Variants in MAPKAP1 observed in about 807,000 individuals in gnomAD.
The protein encoded by MAPKAP1 is target of rapamycin complex 2 subunit MAPKAP1.
Under a neutral mutation model 65.7 loss-of-function variants are expected in MAPKAP1, and 20 were observed. The observed-to-expected ratio is 0.30, with a 90% CI of 0.21 to 0.44. MAPKAP1 has a LOEUF of 0.44. MAPKAP1 is among the 20% of genes least tolerant of loss of function. The pLI is 1.00. For missense variants in MAPKAP1, 423 were observed against 648.0 expected, an observed-to-expected ratio of 0.65 and a Z score of 3.77; for synonymous variants, 222 against 244.3, an observed-to-expected ratio of 0.91 and a Z score of 0.85.
chr9:125,439,085 G>A lies in MAPKAP1; in HGVS notation c.1444-73C>T, dbSNP rs1852387292. 3.8e-6 allele frequency: 6 copies of A among 1,572,996 alleles called. No homozygotes were observed. In the South Asian group the frequency reaches 5.8e-5, roughly 15 times the overall value. On this transcript the variant is annotated intron_variant, in intron 11 of 11. Coordinates refer to ENST00000265960, the MANE Select transcript of MAPKAP1 (RefSeq NM_001006617.3). This position sits in a 1 kb window ranked among gnomAD's most constrained non-coding sequence, Gnocchi z 4.0. The stretch of plus-strand genomic sequence containing the variant: ...CCCACCCAGGGCATCGGAGGGGGTG[G>A]CAGGGAAGGCCCTGACCTGGGCCGG...
intron 1 of MAPKAP1, among the ~76,000 whole-genome samples, chr9:125,685,915 T>TTA (rs1834960278): frequency 6.6e-6 from 1 of 152,198 alleles, no homozygotes; most frequent in African/African-American, 2.4e-5. Context: ...AATCTAAGAT[T>TTA]TATTTTCCTT....
chr9:125,542,817 T>C (rs1226385269), intron 7 of MAPKAP1: 4 of 620,102 alleles, frequency 6.5e-6, no homozygotes, highest in Non-Finnish European at 1.2e-5. Context: ...CCACAAATTA[T>C]TAATGAAGGA....
intron 8 of MAPKAP1, among the ~76,000 whole-genome samples, chr9:125,505,748 G>A (rs1829121282): frequency 6.6e-6 from 1 of 152,228 alleles, no homozygotes; most frequent in South Asian, 2.1e-4. Flanking sequence ...ACTACAGACA[G>A]TCTGCTGCCG....
intron 1 of MAPKAP1, among the ~76,000 whole-genome samples, chr9:125,687,737 T>C (rs988238052): frequency 6.6e-5 from 10 of 152,006 alleles, no homozygotes; most frequent in African/African-American, 1.7e-4. Flanking sequence ...GTGAGCATGA[T>C]TGAGCCACTG....
At chr9:125,529,749 G>A (rs1829881980) in intron 7 of MAPKAP1, among the ~76,000 whole-genome samples, 1 of 152,186 alleles carries the variant, frequency 6.6e-6, no homozygotes, top group Admixed American at 6.5e-5. Context: ...ACTGTGATTA[G>A]TAGCTAGGTA....
chr9:125,695,229 A>G (rs1339915816), intron 1 of MAPKAP1, among the ~76,000 whole-genome samples: 2 of 152,244 alleles, frequency 1.3e-5, no homozygotes, highest in African/African-American at 2.4e-5. Flanking sequence ...AAGCAAATAA[A>G]TAAGTACAAA....
At chr9:125,542,360 C>G (rs1830277851) in intron 7 of MAPKAP1, among the ~76,000 whole-genome samples, 1 of 152,168 alleles carries the variant, frequency 6.6e-6, no homozygotes, top group Non-Finnish European at 1.5e-5. Flanking sequence ...TTTAAGAAGT[C>G]TCTTTATTTA....
intron 10 of MAPKAP1, among the ~76,000 whole-genome samples, chr9:125,457,812 C>G (rs1038639011): frequency 6.6e-6 from 1 of 152,240 alleles, no homozygotes; most frequent in African/African-American, 2.4e-5. Context: ...TTATAGCTCC[C>G]CAGTAGTTGC....
At position 125,538,704 on chromosome 9, in the gene MAPKAP1, G is replaced by A. The variant is rs115140097; in HGVS notation, c.958+4355C>T. Among the ~76,000 whole-genome samples the A allele has an allele frequency of 3.3e-3, 507 of 152,106 alleles. 3 individuals carry two copies. Among genetic ancestry groups the A allele is most frequent in the African/African-American group, 0.011 (469 of 41,480 alleles). ...TCATTGTTTAAATGTCAATTTCTCC[G>A]AGAGGGGCTCCCCAAACACCCTATA... On this transcript the variant is annotated intron_variant, in intron 7 of 11. Transcript: ENST00000265960.
At chr9:125,630,241 T>C (rs1362719310) in intron 4 of MAPKAP1, among the ~76,000 whole-genome samples, 1 of 152,002 alleles carries the variant, frequency 6.6e-6, no homozygotes, top group Non-Finnish European at 1.5e-5. Flanking sequence ...TCCTCCTGCC[T>C]CAGCCTCCCA....
intron 1 of MAPKAP1, among the ~76,000 whole-genome samples, chr9:125,700,753 G>C (rs925238658): frequency 6.6e-6 from 1 of 152,088 alleles, no homozygotes; most frequent in African/African-American, 2.4e-5. Context: ...TTATACAATA[G>C]AGTATGAATG....
chr9:125,671,151 C>G (rs1834486186), intron 2 of MAPKAP1, among the ~76,000 whole-genome samples: 1 of 152,166 alleles, frequency 6.6e-6, no homozygotes, highest in African/African-American at 2.4e-5. Context: ...ATCTCAATAA[C>G]CTGCAAGGAA....
chr9:125,706,078 G>A (rs182090358), intron 1 of MAPKAP1, among the ~76,000 whole-genome samples: 3 of 152,226 alleles, frequency 2.0e-5, no homozygotes, highest in Admixed American at 1.3e-4. Flanking sequence ...TGTGTAAACT[G>A]AAAAACATGA....
chr9:125,594,106 G>A (rs991074100), intron 4 of MAPKAP1, among the ~76,000 whole-genome samples: 11 of 152,138 alleles, frequency 7.2e-5, no homozygotes, highest in Middle Eastern at 3.4e-3. Flanking sequence ...TATTGCCAAC[G>A]CCCCAGTTTA....
chr9:125,664,490 C>T (rs1834280911), intron 3 of MAPKAP1, among the ~76,000 whole-genome samples: 2 of 151,118 alleles, frequency 1.3e-5, no homozygotes, highest in South Asian at 2.1e-4. Context: ...TTTAGGAGGC[C>T]GAGGCGAGAA....
chr9:125,501,194 G>A (rs1418765270), intron 8 of MAPKAP1, among the ~76,000 whole-genome samples: 1 of 152,144 alleles, frequency 6.6e-6, no homozygotes, highest in Non-Finnish European at 1.5e-5. Flanking sequence ...AAACACGAAG[G>A]AAAATGAATT....
At chr9:125,688,765 C>T (rs563418556) in intron 1 of MAPKAP1, among the ~76,000 whole-genome samples, 1 of 152,252 alleles carries the variant, frequency 6.6e-6, no homozygotes, top group South Asian at 2.1e-4. Context: ...GGCACTTTTG[C>T]CATTCACAAA....
intron 11 of MAPKAP1, among the ~76,000 whole-genome samples, chr9:125,440,962 C>T (rs183114460): frequency 6.6e-6 from 1 of 152,250 alleles, no homozygotes; most frequent in Admixed American, 6.5e-5. Context: ...AACTATTTCC[C>T]AAATTTATTA....
chr9:125,667,631 T>G (rs1297455096), intron 3 of MAPKAP1, among the ~76,000 whole-genome samples: 1 of 152,224 alleles, frequency 6.6e-6, no homozygotes, highest in Non-Finnish European at 1.5e-5. Flanking sequence ...CAGGCTGGCC[T>G]CAAACTCCTG....
Sources: gnomAD v4.1 joint callset for allele counts (sites outside exome capture counted in the v4.1 genomes callset) on GRCh38, gnomAD v4.1.1 for gene constraint, Gnocchi (gnomAD v3.1) non-coding constraint, MANE v1.5 for transcripts, NCBI Gene and HGNC (gene_info 2026-07-23, HGNC 2026-07-21) for gene names.